The following TMEM201 variants were observed in gnomAD, a reference collection of about 807,000 sequenced individuals.
TMEM201 encodes RP13-15M17.2.
TMEM201 carries 26 observed loss-of-function variants against 63.4 expected under a neutral mutation model. That is an observed-to-expected ratio of 0.41 (90% CI 0.30 to 0.57). The LOEUF is 0.57. Among genes scored for constraint, TMEM201 ranks in the 20% least tolerant of loss-of-function variants. The pLI, the probability that TMEM201 is intolerant of heterozygous loss-of-function variation, is 0.29. For synonymous variants in TMEM201, 417 were observed against 421.6 expected (o/e 0.99, Z 0.14); for missense variants, 794 against 917.7 (o/e 0.87, Z 1.74).
intron 4 of TMEM201, among the ~76,000 whole-genome samples, chr1:9,599,435 C>T (rs957281416): frequency 7.2e-4 from 108 of 150,728 alleles, no homozygotes; most frequent in African/African-American, 2.6e-3. Flanking sequence ...TTAGTAGAGA[C>T]GAGGTTTCAC....
In TMEM201 at chr1:9,605,262, C is replaced by T. The variant is rs1247293276; in HGVS notation, c.1161-2295C>T. ...TGGTGTCAGATGAGCGTATCCGCTC[C>T]GGCACTCCCCAGAGCCAGCATCCAG... On this transcript the variant is annotated intron_variant, in intron 6 of 10. Transcript: ENST00000340381. The surrounding 1 kb of genome is among the most constrained non-coding windows in gnomAD (Gnocchi z 5.7). Among the ~76,000 whole-genome samples the T allele has an allele frequency of 1.3e-5, 2 of 152,130 alleles. No homozygotes were observed. Among genetic ancestry groups the T allele is most frequent in the East Asian group, 1.9e-4 (1 of 5,194 alleles).
At chr1:9,601,905 A>G (rs1233565702) in intron 5 of TMEM201, among the ~76,000 whole-genome samples, 164 bp from the exon 6 acceptor site, 1 of 152,200 alleles carries the variant, frequency 6.6e-6, no homozygotes, top group East Asian at 1.9e-4. Context: ...CCACCTGCTC[A>G]GAGCCAGGTA....
rs143766707 is a variant in TMEM201, at chr1:9,595,028, C to T, written c.114-862C>T. ...GGCCCCTGGGGGAGAGGTGGAGAGT[C>T]GGAGCAGCAAAGCCGGGGCCCCAGG... On this transcript the variant is annotated intron_variant, in intron 1 of 10. Transcript: ENST00000340381. Among the ~76,000 whole-genome samples, 1,202 of 151,278 alleles carry T rather than the reference C, an allele frequency of 7.9e-3. 12 individuals are homozygous for T. The highest frequency in any genetic ancestry group is 0.025 in the African/African-American group (1,013 of 40,626).
chr1:9,613,294 A>G lies in TMEM201; in HGVS notation c.*211A>G, dbSNP rs116559211. ...GTGTCTGAGGTCACACTCTCTGCCC[A>G]CTCACCTCCTTGGCTGACATCGGTT... On this transcript the variant is annotated 3_prime_UTR_variant, in exon 11 of 11. Coordinates refer to ENST00000340381, the MANE Select transcript of TMEM201 (RefSeq NM_001130924.3). 1,379 of 584,942 alleles carry G rather than the reference A, an allele frequency of 2.4e-3. 14 individuals are homozygous for G. Among genetic ancestry groups the G allele is most frequent in the African/African-American group, 0.023 (1,248 of 53,668 alleles). The allele number at this position is 584,942 out of a possible 1,614,324, so 36.2% of individuals were successfully genotyped here.
intron 1 of TMEM201, among the ~76,000 whole-genome samples, chr1:9,592,849 A>G (rs1643944805): frequency 6.6e-6 from 1 of 152,206 alleles, no homozygotes; most frequent in Admixed American, 6.5e-5. Context: ...AGTGGCCTCC[A>G]GGCCCTCGTG....
At position 9,610,782 on chromosome 1, in the gene TMEM201, T is replaced by G. The variant is rs1644313390; in HGVS notation, c.1742T>G (p.Leu581Arg). ...CCCCATGTTCCCCGGAAGCCGCCCC[T>G]GCAGGACGTGAAGCACGCCCTGGGT... ...EPPHVPRKPP[L>R]QDVKHALDLR... Residue 581 changes from leucine (L) to arginine (R), a missense_variant, in exon 9 of 11, where the codon CTG (leucine) becomes CGG (arginine). Physicochemically the swap from Leu to Arg is moderately radical, Grantham distance 102. Coordinates refer to ENST00000340381, the MANE Select transcript of TMEM201 (RefSeq NM_001130924.3). This position sits in a 1 kb window ranked among gnomAD's most constrained non-coding sequence, Gnocchi z 4.9. The G allele has an allele frequency of 6.5e-7, 1 of 1,544,902 alleles. No homozygotes were observed. Among genetic ancestry groups the G allele is most frequent in the Non-Finnish European group, 8.8e-7 (1 of 1,142,768 alleles).
chr1:9,588,991 G>T lies in TMEM201; in HGVS notation c.61G>T (p.Gly21Trp), dbSNP rs1162335106. The T allele has an allele frequency of 8.2e-7, 1 of 1,212,410 alleles. No individual in the cohort carries two copies. The highest frequency in any genetic ancestry group is 2.0e-5 in the South Asian group (1 of 50,762). The allele number at this position is 1,212,410 out of a possible 1,614,324, so 75.1% of individuals were successfully genotyped here. Residue 21 changes from glycine to tryptophan, a missense_variant, in exon 1 of 11, where the codon GGG becomes TGG. Transcript: ENST00000340381. ...CACGGCCGGCCTGGCCGGCGGCCTG[G>T]GGGTCACGGCGTGCGCCGCGGCCGG... is the stretch of plus-strand genomic sequence containing the variant. ...CPTAGLAGGL[G>W]VTACAAAGVL... is the part of the protein sequence containing the mutation.
At position 9,607,698 on chromosome 1, in the gene TMEM201, C is replaced by A. The variant is rs1196184193; in HGVS notation, c.1302C>A (p.Phe434Leu). Residue 434 changes from phenylalanine (F) to leucine (L), a missense_variant, in exon 7 of 11, where the codon TTC becomes TTA. Phe to Leu is a conservative substitution (Grantham distance 22). Transcript: ENST00000340381. The surrounding 1 kb of genome is among the most constrained non-coding windows in gnomAD (Gnocchi z 5.4). ...SFLPLANQQL[F>L]RSPRRTSPSS... Reference sequence around the variant, plus strand: ...TGCCCCTCGCCAACCAGCAGCTCTTCCGGTCTCCTCGACGGACCTCACCCT... The same window carrying A: ...TGCCCCTCGCCAACCAGCAGCTCTTACGGTCTCCTCGACGGACCTCACCCT... 3 of 1,552,004 alleles carry A rather than the reference C, an allele frequency of 1.9e-6. No homozygotes were observed.
intron 9 of TMEM201, chr1:9,611,197 TC>T (rs1644319224): frequency 5.5e-6 from 3 of 547,404 alleles, no homozygotes; most frequent in African/African-American, 2.9e-5. Context: ...TTTGTAGATT[TC>T]CTTTTTTTTT....
At position 9,607,784 on chromosome 1, in the gene TMEM201, G is replaced by C; in HGVS notation, c.1388G>C (p.Arg463Pro). 1 of 1,551,326 alleles carries C rather than the reference G, an allele frequency of 6.4e-7. No individual in the cohort carries two copies. Among genetic ancestry groups the C allele is most frequent in the Non-Finnish European group, 8.7e-7 (1 of 1,146,984 alleles). The change falls in exon 7 of 11, where the codon CGA becomes CCA. Residue 463 changes from arginine (R) to proline (P), a missense_variant. Arg to Pro is a moderately radical substitution (Grantham distance 103). Transcript: ENST00000340381. The surrounding 1 kb of genome is among the most constrained non-coding windows in gnomAD (Gnocchi z 5.4). ...CTGGGAACCATACCCTCTCTGACTC[G>C]AGCAGGTAAGGGGTGCCCAGGCATT... ...LSLGTIPSLT[R>P]ADSGYLFSGS...
chr1:9,609,978 G>T, intron 8 of TMEM201, 67 bp downstream of exon 8: 1 of 1,482,380 alleles, frequency 6.7e-7, no homozygotes, highest in South Asian at 1.2e-5. Flanking sequence ...AGAGCATGGT[G>T]GTTTGTGTGA....
At chr1:9,590,269 T>C (rs975596774) in intron 1 of TMEM201, among the ~76,000 whole-genome samples, 1 of 152,150 alleles carries the variant, frequency 6.6e-6, no homozygotes, top group Non-Finnish European at 1.5e-5. Flanking sequence ...GGTGGTTTTA[T>C]ACCCAGGGGA....
intron 1 of TMEM201, among the ~76,000 whole-genome samples, chr1:9,595,012 G>GGGAGAGGT (rs1411797864): frequency 3.9e-5 from 6 of 152,252 alleles, no homozygotes; most frequent in Admixed American, 3.9e-4. Flanking sequence ...TGGCCCCTGG[G>GGGAGAGGT]GGAGAGGTGG....
chr1:9,602,678 C>T, intron 6 of TMEM201: 2 of 1,115,544 alleles, frequency 1.8e-6, no homozygotes, highest in South Asian at 2.4e-5. Flanking sequence ...GGTCCTGGTC[C>T]TGCTGTCTTC....
Position 9,611,722 on chromosome 1 carries a change from GCCACTGAGAAACACA to G in TMEM201, c.1766-28_1766-14del, listed in dbSNP as rs1557564182. The G allele has an allele frequency of 6.4e-7, 1 of 1,550,912 alleles. No homozygotes were observed. Among genetic ancestry groups the G allele is most frequent in the East Asian group, 2.4e-5 (1 of 40,912 alleles). On this transcript the variant is annotated splice_polypyrimidine_tract_variant and intron_variant, in intron 9 of 10. Transcript: ENST00000340381. ...TCTGTCCCTGGAGGGAGCCATGAGC[GCCACTGAGAAACACA>G]CCCTTCTCTCTGCAGACCTGAGATC...
At chr1:9,609,467 C>A (rs2100521134) in intron 7 of TMEM201, among the ~76,000 whole-genome samples, 1 of 152,292 alleles carries the variant, frequency 6.6e-6, no homozygotes, top group East Asian at 1.9e-4. Flanking sequence ...AAAGCAGGCC[C>A]TTCTGTGGGA....
At position 9,608,910 on chromosome 1, in the gene TMEM201, G is replaced by A. The variant is rs189657346; in HGVS notation, c.1394-930G>A. On this transcript the variant is annotated intron_variant, in intron 7 of 10. Transcript: ENST00000340381. The surrounding 1 kb of genome is among the most constrained non-coding windows in gnomAD (Gnocchi z 4.3). Reference sequence around the variant, plus strand: ...CCAGTCTCCATTACCAGAGTGGGTCGGGGGGAGGAGCCCGGTCTCCATCGC... The same window carrying A: ...CCAGTCTCCATTACCAGAGTGGGTCAGGGGGAGGAGCCCGGTCTCCATCGC... Among the ~76,000 whole-genome samples, 4 of 152,270 alleles carry A rather than the reference G, an allele frequency of 2.6e-5. No individual in the cohort carries two copies. Among genetic ancestry groups the A allele is most frequent in the African/African-American group, 9.6e-5 (4 of 41,580 alleles).
Position 9,611,529 on chromosome 1 carries a change from A to G in TMEM201, c.1766-224A>G, listed in dbSNP as rs78212775. ...GTTTAGATTTCCCACGTCTCTTTCA[A>G]TGTCAGAGATCTGGTCACCTTGGGC... On this transcript the variant is annotated intron_variant, in intron 9 of 10. Coordinates refer to ENST00000340381, the MANE Select transcript of TMEM201 (RefSeq NM_001130924.3). 0.012 allele frequency among the ~76,000 whole-genome samples: 1,868 copies of G among 152,240 alleles called. 46 individuals carry two copies. Among genetic ancestry groups the G allele is most frequent in the African/African-American group, 0.041 (1,699 of 41,524 alleles).
Position 9,603,545 on chromosome 1 carries a change from A to G in TMEM201, c.1160+1273A>G, listed in dbSNP as rs1644186642. On this transcript the variant is annotated intron_variant, in intron 6 of 10. Transcript: ENST00000340381. The surrounding 1 kb of genome is among the most constrained non-coding windows in gnomAD (Gnocchi z 4.5). ...CTCTGAGCACGAGTTCACCTTCCAGATGTGGCCAGGGTGTGCCAGCTCCTC... is the reference window on the plus strand; with the variant it reads ...CTCTGAGCACGAGTTCACCTTCCAGGTGTGGCCAGGGTGTGCCAGCTCCTC... The G allele has an allele frequency of 1.0e-6, 1 of 985,380 alleles. No homozygotes were observed. Among genetic ancestry groups the G allele is most frequent in the African/African-American group, 1.7e-5 (1 of 57,222 alleles). The allele number at this position is 985,380 out of a possible 1,614,324, so 61.0% of individuals were successfully genotyped here. A position where few individuals can be genotyped will look rare whatever the true frequency, so the allele number is the denominator to read the frequency against.
Sources: allele counts gnomAD v4.1 joint callset (sites outside exome capture counted in the v4.1 genomes callset), GRCh38; gene constraint gnomAD v4.1.1; non-coding constraint Gnocchi (gnomAD v3.1); transcripts MANE v1.5; gene names NCBI Gene and HGNC (gene_info 2026-07-23, HGNC 2026-07-21).